The following SRSF2 variants were observed in gnomAD, a reference collection of about 807,000 sequenced individuals.
SRSF2 encodes the protein serine and arginine rich splicing factor 2.
SRSF2 carries 4 observed loss-of-function variants against 15.7 expected under a neutral mutation model. The observed-to-expected ratio is 0.26, with a 90% confidence interval of 0.13 to 0.58. SRSF2 has a LOEUF of 0.58. Ranked by LOEUF, SRSF2 falls within the 20% of genes least tolerant of loss-of-function variation. SRSF2 has a pLI of 0.90. For synonymous variants in SRSF2, 192 were observed against 138.9 expected (o/e 1.38, Z -2.69); for missense variants, 147 against 332.4 (o/e 0.44, Z 4.34).
chr17:76,737,278 T>C lies in SRSF2; in HGVS notation c.-118A>G, dbSNP rs780875892. 3.8e-4 allele frequency: 519 copies of C among 1,377,772 alleles called. No individual in the cohort carries two copies. The highest frequency in any genetic ancestry group is 4.8e-4 in the Non-Finnish European group (496 of 1,038,684). 85.3% of individuals were successfully genotyped at this position (1,377,772 alleles called of 1,614,324 possible). A position where few individuals can be genotyped will look rare whatever the true frequency, so the allele number is the denominator to read the frequency against. On this transcript the variant is annotated 5_prime_UTR_variant, in exon 1 of 3. Coordinates refer to ENST00000359995, the MANE Select transcript of SRSF2 (RefSeq NM_001195427.2). Reference sequence around the variant, plus strand: ...CGCGTGGGGACACTGGGAAAGGCCTTGCCGCAGAACAGCACGGACGGGCTC... The same window carrying C: ...CGCGTGGGGACACTGGGAAAGGCCTCGCCGCAGAACAGCACGGACGGGCTC...
rs2077463719 is a variant in SRSF2 at position 76,736,299 on chromosome 17, G to C, written c.528C>G (p.Val176=). Reference sequence around the variant, plus strand: ...ACCTGGACCGCGAACGAGATCTGGAGACCGACGAGGACTTGGACTTGGACC... The same window carrying C: ...ACCTGGACCGCGAACGAGATCTGGACACCGACGAGGACTTGGACTTGGACC... ...ARRSKSKSSS[V]SRSRSRSRSR... is the part of the protein sequence containing the mutation. The change falls in exon 2 of 3, where the codon GTC becomes GTG. Residue 176 remains valine, a synonymous_variant. Transcript: ENST00000359995. 1.9e-6 allele frequency: 3 copies of C among 1,614,046 alleles called. No homozygotes were observed. The highest frequency in any genetic ancestry group is 1.3e-5 in the African/African-American group (1 of 74,922).
rs1477117683 is a variant in SRSF2 at position 76,735,100 on chromosome 17, C to T, written c.*66G>A. On this transcript the variant is annotated 3_prime_UTR_variant, in exon 3 of 3. Transcript: ENST00000359995. Reference sequence around the variant, plus strand: ...GTTGCTTGTTCCAAGGACTCTTCTTCGATGGACTATGTGGTCCTTTTTCCC... The same window carrying T: ...GTTGCTTGTTCCAAGGACTCTTCTTTGATGGACTATGTGGTCCTTTTTCCC... 3 of 219,170 alleles carry T rather than the reference C, an allele frequency of 1.4e-5. No individual in the cohort carries two copies. The highest frequency in any genetic ancestry group is 4.5e-5 in the African/African-American group (2 of 44,466). The allele number at this position is 219,170 out of a possible 1,614,324, so 13.6% of individuals were successfully genotyped here.
chr17:76,737,289 A>T lies in SRSF2; in HGVS notation c.-129T>A, dbSNP rs535264293. On this transcript the variant is annotated 5_prime_UTR_variant, in exon 1 of 3. Transcript: ENST00000359995. ...ACTGGGAAAGGCCTTGCCGCAGAAC[A>T]GCACGGACGGGCTCCGCAGGCTAGC... 1.2e-5 allele frequency: 16 copies of T among 1,301,194 alleles called. No homozygotes were observed. Among genetic ancestry groups the T allele is most frequent in the East Asian group, 1.0e-4 (4 of 38,912 alleles). 80.6% of individuals were successfully genotyped at this position (1,301,194 alleles called of 1,614,324 possible).
intron 2 of SRSF2, 52 bp downstream of exon 2, chr17:76,736,102 C>G (rs1033143994): frequency 6.6e-7 from 1 of 1,521,616 alleles, no homozygotes; most frequent in Non-Finnish European, 8.8e-7. Flanking sequence ...AAGACCTACC[C>G]CAAATCCCAT....
At chr17:76,735,574 T>G (rs1746408500) in intron 2 of SRSF2, 1 of 231,628 alleles carries the variant, frequency 4.3e-6, no homozygotes, top group Admixed American at 5.7e-5. Context: ...CCAAACAATT[T>G]AAGAGTTAAA....
intron 2 of SRSF2, chr17:76,735,892 T>C (rs2077438674): frequency 3.4e-6 from 2 of 585,876 alleles, no homozygotes; most frequent in African/African-American, 3.7e-5. Flanking sequence ...AGGGGGAAAA[T>C]GCAGACGTTG....
chr17:76,736,318 T>TTGGACC lies in SRSF2; in HGVS notation c.503_508dup (p.Arg168_Ser169dup). 1 of 1,613,990 alleles carries TTGGACC rather than the reference T, an allele frequency of 6.2e-7. No homozygotes were observed. The highest frequency in any genetic ancestry group is 8.5e-7 in the Non-Finnish European group (1 of 1,179,956). ...TCTGGAGACCGACGAGGACTTGGACTTGGACCTTCGTGCGGATCTGGACTT... is the reference window on the plus strand; with the variant it reads ...TCTGGAGACCGACGAGGACTTGGACTTGGACCTGGACCTTCGTGCGGATCTGGACTT... On this transcript the variant is annotated inframe_insertion, in exon 2 of 3. Transcript: ENST00000359995.
intron 1 of SRSF2, 94 bp from the exon 2 acceptor site, chr17:76,736,558 C>CG: frequency 7.2e-7 from 1 of 1,387,866 alleles, no homozygotes; most frequent in Non-Finnish European, 9.6e-7. Context: ...ATTATCTCGC[C>CG]GCCAGACGCC....
chr17:76,736,601 C>T, intron 1 of SRSF2, 137 bp from the exon 2 acceptor site: 2 of 1,189,924 alleles, frequency 1.7e-6, no homozygotes, highest in Non-Finnish European at 2.2e-6. Flanking sequence ...GTCCTCCGCC[C>T]CGCGCCGCCC....
At position 76,734,749 on chromosome 17, in the gene SRSF2, T is replaced by C. The variant is rs2077384637; in HGVS notation, c.*417A>G. 1 of 238,454 alleles carries C rather than the reference T, an allele frequency of 4.2e-6. No individual in the cohort carries two copies. The highest frequency in any genetic ancestry group is 8.9e-6 in the Non-Finnish European group (1 of 112,346). The allele number at this position is 238,454 out of a possible 1,614,324, so 14.8% of individuals were successfully genotyped here. Reference sequence around the variant, plus strand: ...TTTGTAGGTTTTTAATTTTAAGGAATGAAGGCAATGCTGAGTCAATCTCTT... The same window carrying C: ...TTTGTAGGTTTTTAATTTTAAGGAACGAAGGCAATGCTGAGTCAATCTCTT... On this transcript the variant is annotated 3_prime_UTR_variant, in exon 3 of 3. Coordinates refer to ENST00000359995, the MANE Select transcript of SRSF2 (RefSeq NM_001195427.2).
chr17:76,737,397 G>C (rs1231379696), upstream of SRSF2: 1 of 503,270 alleles, frequency 2.0e-6, no homozygotes, highest in African/African-American at 1.9e-5. Context: ...GCGCCACCCG[G>C]AAATGAAACC....
rs1008112915 is a variant in SRSF2, at chr17:76,734,706, T to C, written c.*460A>G. On this transcript the variant is annotated 3_prime_UTR_variant, in exon 3 of 3. Coordinates refer to ENST00000359995, the MANE Select transcript of SRSF2 (RefSeq NM_001195427.2). ...TTTAGATCTGAAGGTAAATAACATA[T>C]ACAAATTTACACCAACTTTTGTAGG... The C allele has an allele frequency of 4.3e-6, 1 of 234,738 alleles. No individual in the cohort carries two copies. Among genetic ancestry groups the C allele is most frequent in the East Asian group, 6.5e-5 (1 of 15,358 alleles). 14.5% of individuals were successfully genotyped at this position (234,738 alleles called of 1,614,324 possible). A position where few individuals can be genotyped will look rare whatever the true frequency, so the allele number is the denominator to read the frequency against.
At position 76,736,703 on chromosome 17, in the gene SRSF2, G is replaced by T. The variant is rs151217137; in HGVS notation, c.362+96C>A. 5,544 of 1,327,108 alleles carry T rather than the reference G, an allele frequency of 4.2e-3. 14 individuals carry two copies. Among genetic ancestry groups the T allele is most frequent in the Non-Finnish European group, 4.8e-3 (4,946 of 1,032,900 alleles). The allele number at this position is 1,327,108 out of a possible 1,614,324, so 82.2% of individuals were successfully genotyped here. On this transcript the variant is annotated intron_variant, in intron 1 of 2. Transcript: ENST00000359995. ...CGGCGTGCACCCCCGCCCCGTCCGG[G>T]CCCGCACCACGTGCTTCGCCGCGGA...
At position 76,734,164 on chromosome 17, in the gene SRSF2, C is replaced by T. The variant is rs1266541954; in HGVS notation, c.*1002G>A. ...AAATGTTTTAATTAAACTACAGAAACAATGGTTATAATACAGAATATTCAT... is the reference window on the plus strand; with the variant it reads ...AAATGTTTTAATTAAACTACAGAAATAATGGTTATAATACAGAATATTCAT... On this transcript the variant is annotated 3_prime_UTR_variant, in exon 3 of 3. Coordinates refer to ENST00000359995, the MANE Select transcript of SRSF2 (RefSeq NM_001195427.2). The T allele has an allele frequency of 4.7e-6, 1 of 212,178 alleles. No individual in the cohort carries two copies. Among genetic ancestry groups the T allele is most frequent in the South Asian group, 1.9e-4 (1 of 5,362 alleles). The allele number at this position is 212,178 out of a possible 1,614,324, so 13.1% of individuals were successfully genotyped here. A position where few individuals can be genotyped will look rare whatever the true frequency, so the allele number is the denominator to read the frequency against.
intron 1 of SRSF2, 38 bp from the exon 2 acceptor site, chr17:76,736,502 C>T (rs764750794): frequency 5.0e-6 from 8 of 1,595,754 alleles, no homozygotes; most frequent in South Asian, 2.2e-5. Context: ...GGGTTAATTC[C>T]AGGCAGCGGG....
rs760680088 is a variant in SRSF2 at position 76,736,900 on chromosome 17, C to T, written c.261G>A (p.Val87=). 1.2e-6 allele frequency: 2 copies of T among 1,612,150 alleles called. No individual in the cohort carries two copies. The highest frequency in any genetic ancestry group is 2.2e-5 in the East Asian group (1 of 44,850). ...GGGGGCGGCCGTAGCGCGCCATTTG[C>T]ACCCGCAGCTCGCGGCCGTCCAGCA... ...GAVLDGRELR[V]QMARYGRPPD... is the part of the protein sequence containing the mutation. The change falls in exon 1 of 3, where the codon GTG becomes GTA. Residue 87 remains valine, a synonymous_variant. Transcript: ENST00000359995.
In SRSF2 at chr17:76,736,177, C is replaced by G. The variant is rs1470066389; in HGVS notation, c.650G>C (p.Gly217Ala). 6.2e-7 allele frequency: 1 copy of G among 1,609,938 alleles called. No individual in the cohort carries two copies. Among genetic ancestry groups the G allele is most frequent in the Non-Finnish European group, 8.5e-7 (1 of 1,177,364 alleles). ...ACCATTTTCTTAAGAGGACACCGCT[C>G]CTTCCTCTTCAGGAGACTTGGGGGG... ...KSPPKSPEEE[G>A]AVSS Residue 217 changes from glycine to alanine, a missense_variant, in exon 2 of 3, where the codon GGA (glycine) becomes GCA (alanine). This residue lies in a region of SRSF2 where 125 missense variants were observed against 185.1 expected (regional missense o/e 0.68). Transcript: ENST00000359995.
rs1168181481 is a variant in SRSF2 at position 76,734,774 on chromosome 17, T to A, written c.*392A>T. ...TGAAGGCAATGCTGAGTCAATCTCT[T>A]GACAGCTTTAGGCTGTGTGTAATGG... is the stretch of plus-strand genomic sequence containing the variant. On this transcript the variant is annotated 3_prime_UTR_variant, in exon 3 of 3. Coordinates refer to ENST00000359995, the MANE Select transcript of SRSF2 (RefSeq NM_001195427.2). The A allele has an allele frequency of 4.2e-6, 1 of 238,160 alleles. No individual in the cohort carries two copies. Among genetic ancestry groups the A allele is most frequent in the Admixed American group, 5.7e-5 (1 of 17,412 alleles). 14.8% of individuals were successfully genotyped at this position (238,160 alleles called of 1,614,324 possible).
chr17:76,736,535 C>G lies in SRSF2; in HGVS notation c.363-71G>C, dbSNP rs541687424. 2.4e-4 allele frequency: 352 copies of G among 1,494,182 alleles called. 3 individuals are homozygous for G. Among genetic ancestry groups the G allele is most frequent in the South Asian group, 1.8e-3 (143 of 81,574 alleles). 92.6% of individuals were successfully genotyped at this position (1,494,182 alleles called of 1,614,324 possible). On this transcript the variant is annotated intron_variant, in intron 1 of 2. Transcript: ENST00000359995. Reference sequence around the variant, plus strand: ...GGGGCCGGCCCCGCCCGCGCGCTCCCGCCCAGGCCGCCATTATCTCGCCGC... The same window carrying G: ...GGGGCCGGCCCCGCCCGCGCGCTCCGGCCCAGGCCGCCATTATCTCGCCGC...
Sources: gnomAD v4.1 joint callset for allele counts on GRCh38, gnomAD v4.1.1 for gene constraint, gnomAD v4.1.1 regional missense constraint, MANE v1.5 for transcripts, NCBI Gene and HGNC (gene_info 2026-07-23, HGNC 2026-07-21) for gene names.